Variants in KNTC1 observed in about 807,000 individuals in gnomAD.
The protein encoded by KNTC1 is kinetochore associated 1.
KNTC1 carries 253 observed loss-of-function variants against 314.4 expected under a neutral mutation model. The observed-to-expected ratio is 0.80, with a 90% CI of 0.73 to 0.89. The LOEUF is 0.89. Ranked by LOEUF, KNTC1 falls within the 40% of genes least tolerant of loss-of-function variation. The probability of loss-of-function intolerance (pLI) is 0.00; values close to 1 mark genes in which losing one functional copy is unlikely to be tolerated. For missense variants in KNTC1, 2,475 were observed against 2,572.9 expected, an observed-to-expected ratio of 0.96 and a Z score of 0.82; for synonymous variants, 901 against 901.4, an observed-to-expected ratio of 1.00 and a Z score of 0.01.
At chr12:122,551,236 G>A in intron 13 of KNTC1, 83 bp from the exon 14 acceptor site, 1 of 893,146 alleles carries the variant, frequency 1.1e-6, no homozygotes, top group East Asian at 2.7e-5. Context: ...GATAATTCAT[G>A]CCTGAACCAG....
intron 1 of KNTC1, 33 bp from the exon 2 acceptor site, chr12:122,529,958 C>T: frequency 1.6e-6 from 2 of 1,233,530 alleles, no homozygotes; most frequent in African/African-American, 1.5e-5. Context: ...TAAGCTTTAT[C>T]ATTTCCCAAG....
chr12:122,540,264 C>T (rs137889902), intron 5 of KNTC1, among the ~76,000 whole-genome samples: 1,578 of 151,252 alleles, frequency 0.01, 27 homozygotes, highest in African/African-American at 0.037. Context: ...CCTCTGCCTC[C>T]TGAGTTCAAA....
In KNTC1 at chr12:122,557,634, C is replaced by A. The variant is rs778452685; in HGVS notation, c.1433C>A (p.Ala478Asp). The change falls in exon 18 of 64, where the codon GCT becomes GAT. Residue 478 changes from alanine to aspartate, a missense_variant. Coordinates refer to ENST00000333479, the MANE Select transcript of KNTC1 (RefSeq NM_014708.6). Reference protein sequence around the residue: ...DEFVVNYCLKAQWITYETTQE... With the variant: ...DEFVVNYCLKDQWITYETTQE... Reference sequence around the variant, plus strand: ...TTTGTGGTGAATTACTGCCTGAAAGCTCAGTGGATAACCTATGAAACCACT... The same window carrying A: ...TTTGTGGTGAATTACTGCCTGAAAGATCAGTGGATAACCTATGAAACCACT... The A allele has an allele frequency of 5.0e-6, 8 of 1,613,326 alleles. No individual in the cohort carries two copies. Among genetic ancestry groups the A allele is most frequent in the Non-Finnish European group, 6.8e-6 (8 of 1,179,670 alleles).
rs745328477 is a variant in KNTC1 at position 122,546,641 on chromosome 12, G to C, written c.783G>C (p.Leu261=). Residue 261 remains leucine, a synonymous_variant, in exon 10 of 64, where the codon CTG becomes CTC. Coordinates refer to ENST00000333479, the MANE Select transcript of KNTC1 (RefSeq NM_014708.6). The part of the protein sequence containing the change: ...EIIKGAKKFQ[L]IDNLLFVLDT... ...TTGTAGGTGCAAAGAAGTTCCAGCT[G>C]ATAGACAATCTACTTTTTGTTCTTG... 6.3e-6 allele frequency: 10 copies of C among 1,588,622 alleles called. No individual in the cohort carries two copies. The African/African-American group carries it at 1.3e-4, about 21-fold the overall frequency.
chr12:122,549,122 C>G (rs190372884), intron 12 of KNTC1, among the ~76,000 whole-genome samples: 1 of 152,248 alleles, frequency 6.6e-6, no homozygotes, highest in Admixed American at 6.5e-5. Context: ...GTGGTGCAAT[C>G]TCGGCTCACT....
At chr12:122,587,631 G>A (rs909336788) in intron 38 of KNTC1, 80 bp from the exon 39 acceptor site, 1 of 1,115,970 alleles carries the variant, frequency 9.0e-7, no homozygotes, top group African/African-American at 1.6e-5. Context: ...GAAGCAGGCT[G>A]TCCCTGAAAA....
At position 122,561,982 on chromosome 12, in the gene KNTC1, C is replaced by T. The variant is rs1437321663; in HGVS notation, c.1542+8C>T. 2.5e-6 allele frequency: 4 copies of T among 1,594,940 alleles called. No homozygotes were observed. In the East Asian group the frequency reaches 9.0e-5, roughly 36 times the overall value. On this transcript the variant is annotated splice_region_variant and intron_variant, in intron 19 of 63. Coordinates refer to ENST00000333479, the MANE Select transcript of KNTC1 (RefSeq NM_014708.6). ...TCTGATGGCTTGAAAGAGGTAATTA[C>T]ACTAGATTTCTAGGTTAATATGTGG...
In KNTC1 at chr12:122,590,619, C is replaced by A; in HGVS notation, c.4012C>A (p.Arg1338Ser). 6.2e-7 allele frequency: 1 copy of A among 1,611,310 alleles called. No individual in the cohort carries two copies. The highest frequency in any genetic ancestry group is 1.1e-5 in the South Asian group (1 of 90,592). The change falls in exon 41 of 64, where the codon CGC becomes AGC. Residue 1338 changes from arginine to serine, a missense_variant. Transcript: ENST00000333479. Reference sequence around the variant, plus strand: ...TTTCTTCCTGTAGGTATTTAATTGTCGCTTGGTAGATCTTGACCTGGCGTT... The same window carrying A: ...TTTCTTCCTGTAGGTATTTAATTGTAGCTTGGTAGATCTTGACCTGGCGTT... ...TTLLHKVFNC[R>S]LVDLDLALGY...
intron 16 of KNTC1, 117 bp downstream of exon 16, chr12:122,551,813 G>A: frequency 1.3e-6 from 1 of 760,372 alleles, no homozygotes; most frequent in South Asian, 1.6e-5. Context: ...CTGTAATTAA[G>A]ATATGACTGA....
chr12:122,563,004 G>A (rs1306824051), intron 20 of KNTC1, among the ~76,000 whole-genome samples: 1 of 140,036 alleles, frequency 7.1e-6, no homozygotes, highest in African/African-American at 2.6e-5. Flanking sequence ...GCAAGACTCG[G>A]TCTCAAAAAA....
In KNTC1 at chr12:122,597,879, G is replaced by A. The variant is rs1871280501; in HGVS notation, c.4504G>A (p.Val1502Ile). Residue 1502 changes from valine (V) to isoleucine (I), a missense_variant, in exon 44 of 64, where the codon GTT (valine) becomes ATT (isoleucine). By Grantham distance (29) the Val-to-Ile change is conservative (BLOSUM62 3). Coordinates refer to ENST00000333479, the MANE Select transcript of KNTC1 (RefSeq NM_014708.6). The stretch of plus-strand genomic sequence containing the variant: ...ACTCCTGGCCAAAGCCCTTGAGATG[G>A]TTCCTTTACTGACGAGCACAAAAGA... Reference protein sequence around the residue: ...PKLLAKALEMVPLLTSTKDLV... With the variant: ...PKLLAKALEMIPLLTSTKDLV... 6.2e-7 allele frequency: 1 copy of A among 1,614,028 alleles called. No homozygotes were observed. The highest frequency in any genetic ancestry group is 8.5e-7 in the Non-Finnish European group (1 of 1,179,900).
At position 122,602,701 on chromosome 12, in the gene KNTC1, A is replaced by G; in HGVS notation, c.4786A>G (p.Ile1596Val). Residue 1596 changes from isoleucine (I) to valine (V), a missense_variant, in exon 46 of 64, where the codon ATA (isoleucine) becomes GTA (valine). Coordinates refer to ENST00000333479, the MANE Select transcript of KNTC1 (RefSeq NM_014708.6). ...CCAAACTAGACTGCCTTTTCACCTG[A>G]TATTCTTTGGCACAGCACAGAACTT... ...AAQTRLPFHLIFFGTAQNFWK... is the reference protein window; with the variant it reads ...AAQTRLPFHLVFFGTAQNFWK... 1.2e-6 allele frequency: 2 copies of G among 1,613,908 alleles called. No individual in the cohort carries two copies. The highest frequency in any genetic ancestry group is 1.1e-5 in the South Asian group (1 of 91,082).
At chr12:122,593,950 A>G (rs1254034087) in intron 42 of KNTC1, 1 of 209,298 alleles carries the variant, frequency 4.8e-6, no homozygotes, top group Non-Finnish European at 9.5e-6. Context: ...CAGTTGACTT[A>G]TCAGAAAGGT....
chr12:122,528,819 T>G (rs1961035682), intron 1 of KNTC1, among the ~76,000 whole-genome samples: 1 of 152,102 alleles, frequency 6.6e-6, no homozygotes, highest in Non-Finnish European at 1.5e-5. Context: ...GTGGAACACA[T>G]GGATATTGAC....
chr12:122,539,019 G>A (rs77576117), intron 4 of KNTC1, among the ~76,000 whole-genome samples: 6,081 of 152,298 alleles, frequency 0.04, 173 homozygotes, highest in Non-Finnish European at 0.057. Flanking sequence ...TGCTTAGCAG[G>A]ACTGCTAGAA....
At chr12:122,573,770 T>C (rs1964851762) in intron 26 of KNTC1, among the ~76,000 whole-genome samples, 1 of 152,210 alleles carries the variant, frequency 6.6e-6, no homozygotes, top group South Asian at 2.1e-4. Flanking sequence ...TAAAATTCTT[T>C]TGAGTTTCTG....
rs12307781 is a variant in KNTC1 at position 122,557,721 on chromosome 12, G to T, written c.1488+32G>T. ...TCGTTTTTTTGTATTTTGTTTTTTT[G>T]GGGCAGGGGAGAATTTGCTTTAATC... On this transcript the variant is annotated intron_variant, in intron 18 of 63. Coordinates refer to ENST00000333479, the MANE Select transcript of KNTC1 (RefSeq NM_014708.6). The T allele has an allele frequency of 7.7e-3, 11,533 of 1,495,586 alleles. 741 individuals are homozygous for T. In the African/African-American group the frequency reaches 0.14, roughly 18 times the overall value. The allele number at this position is 1,495,586 out of a possible 1,614,324, so 92.6% of individuals were successfully genotyped here.
At chr12:122,533,328 G>A (rs1282984763) in intron 2 of KNTC1, among the ~76,000 whole-genome samples, 4 of 151,980 alleles carry the variant, frequency 2.6e-5, no homozygotes, top group African/African-American at 7.3e-5. Flanking sequence ...CACCACGCCC[G>A]GCTAATTTTA....
At chr12:122,568,916 G>A (rs1424622828) in intron 21 of KNTC1, among the ~76,000 whole-genome samples, 1 of 152,218 alleles carries the variant, frequency 6.6e-6, no homozygotes, top group African/African-American at 2.4e-5. Flanking sequence ...TACAGTGAAT[G>A]TACAGTAGAA....
Sources: gnomAD v4.1 joint callset for allele counts (sites outside exome capture counted in the v4.1 genomes callset) on GRCh38, gnomAD v4.1.1 for gene constraint, MANE v1.5 for transcripts, NCBI Gene and HGNC (gene_info 2026-07-23, HGNC 2026-07-21) for gene names.